PRR16: variants seen among roughly 807,000 people sequenced by gnomAD.
PRR16 encodes the protein proline rich 16.
In PRR16, 6 loss-of-function variants were observed where a neutral mutation model predicts 18.2. The observed-to-expected ratio is 0.33, with a 90% CI of 0.18 to 0.65. The LOEUF (loss-of-function observed/expected upper bound fraction) is 0.65. Ranked by LOEUF, PRR16 falls within the 30% of genes least tolerant of loss-of-function variation. The pLI is 0.74. For synonymous variants in PRR16, 151 were observed against 147.8 expected, an observed-to-expected ratio of 1.02 and a Z score of -0.16; for missense variants, 412 against 376.6, an observed-to-expected ratio of 1.09 and a Z score of -0.78.
intron 1 of PRR16, among the ~76,000 whole-genome samples, chr5:120,484,839 T>G (rs976821037): frequency 2.0e-5 from 3 of 151,188 alleles, no homozygotes; most frequent in Admixed American, 6.6e-5. Flanking sequence ...ATGGAATAAT[T>G]AGGAAGTTGG....
chr5:120,780,024 C>G, the PRR16 span, among the ~76,000 whole-genome samples: 1 of 152,244 alleles, frequency 6.6e-6, no homozygotes, highest in Middle Eastern at 3.4e-3. Context: ...TACCTATGCT[C>G]TCATTTACTT....
intron 1 of PRR16, among the ~76,000 whole-genome samples, chr5:120,562,571 G>A (rs1752610491): frequency 6.6e-6 from 1 of 151,528 alleles, no homozygotes; most frequent in East Asian, 1.9e-4. Flanking sequence ...CTTCCTTCCT[G>A]ACTTCCCTTT....
At chr5:120,509,363 T>C (rs1253481754) in intron 1 of PRR16, among the ~76,000 whole-genome samples, 1 of 152,096 alleles carries the variant, frequency 6.6e-6, no homozygotes, top group South Asian at 2.1e-4. Flanking sequence ...AATAAAAGGA[T>C]TGACTGAGGC....
chr5:120,621,904 A>G (rs570651462), intron 1 of PRR16, among the ~76,000 whole-genome samples: 22 of 152,294 alleles, frequency 1.4e-4, no homozygotes, highest in Admixed American at 1.4e-3. Context: ...ACAGACTAAT[A>G]CAACATCTTT....
intron 1 of PRR16, among the ~76,000 whole-genome samples, chr5:120,478,361 C>T (rs1749508061): frequency 6.6e-6 from 1 of 152,158 alleles, no homozygotes; most frequent in Non-Finnish European, 1.5e-5. Context: ...CTTGTTTCTC[C>T]TACTTTGATT....
At chr5:120,515,149 A>C (rs1167700726) in intron 1 of PRR16, among the ~76,000 whole-genome samples, 1 of 152,204 alleles carries the variant, frequency 6.6e-6, no homozygotes, top group Non-Finnish European at 1.5e-5. Flanking sequence ...ATAATATCCC[A>C]GAGGCATTAA....
At chr5:120,699,081 A>G in the PRR16 span, among the ~76,000 whole-genome samples, 3 of 152,160 alleles carry the variant, frequency 2.0e-5, no homozygotes, top group East Asian at 1.9e-4. Context: ...CTGACTCGGG[A>G]CATGTTGAGT....
intron 1 of PRR16, among the ~76,000 whole-genome samples, chr5:120,615,710 T>G (rs79291893): frequency 0.059 from 8,958 of 152,220 alleles, 340 homozygotes; most frequent in South Asian, 0.086. Context: ...ATTATTATTT[T>G]TAATTAGTAT....
chr5:120,624,282 AAAGT>A (rs1754789096), intron 1 of PRR16, among the ~76,000 whole-genome samples: 1 of 152,190 alleles, frequency 6.6e-6, no homozygotes, highest in Admixed American at 6.5e-5. Flanking sequence ...GATGAAACCG[AAAGT>A]AAGATATAAT....
chr5:120,716,968 T>C, the PRR16 span, among the ~76,000 whole-genome samples: 1 of 152,082 alleles, frequency 6.6e-6, no homozygotes, highest in Admixed American at 6.6e-5. Context: ...TCCTTAGCAT[T>C]TAGTCTATAC....
In PRR16 at chr5:120,522,232, T is replaced by G. The variant is rs1580681509; in HGVS notation, c.159+57587T>G. ...AAATGGTATTTCTAGTTCTAGATCC[T>G]TGAGGAATCACCACACTGTCTTCCA... On this transcript the variant is annotated intron_variant, in intron 1 of 1. Coordinates refer to ENST00000407149, the MANE Select transcript of PRR16 (RefSeq NM_001300783.2). Among the ~76,000 whole-genome samples, 3 of 152,320 alleles carry G rather than the reference T, an allele frequency of 2.0e-5. No homozygotes were observed. The South Asian group carries it at 6.2e-4, about 32-fold the overall frequency.
At chr5:120,765,551 T>TAATACA in the PRR16 span, among the ~76,000 whole-genome samples, 4 of 152,182 alleles carry the variant, frequency 2.6e-5, no homozygotes, top group South Asian at 6.2e-4. Context: ...AAGTATTCTT[T>TAATACA]AATACAAAAA....
the PRR16 span, among the ~76,000 whole-genome samples, chr5:120,784,293 T>C: frequency 1.3e-5 from 2 of 152,172 alleles, no homozygotes; most frequent in Non-Finnish European, 2.9e-5. Flanking sequence ...ATACTATTTT[T>C]CATAATGGCT....
the PRR16 span, among the ~76,000 whole-genome samples, chr5:120,773,609 CTTAACTAAAAATTA>C: frequency 7.2e-5 from 11 of 152,014 alleles, no homozygotes; most frequent in African/African-American, 2.4e-4. Flanking sequence ...TGGTCAACTA[CTTAACTAAAAATTA>C]GGTGTTCTAT....
intron 1 of PRR16, among the ~76,000 whole-genome samples, chr5:120,473,029 G>A (rs1328043591): frequency 6.6e-6 from 1 of 152,054 alleles, no homozygotes; most frequent in Non-Finnish European, 1.5e-5. Flanking sequence ...AATTATGAAA[G>A]ACATATTGAA....
chr5:120,572,178 T>G (rs1011147125), intron 1 of PRR16, among the ~76,000 whole-genome samples: 22 of 152,142 alleles, frequency 1.4e-4, no homozygotes, highest in African/African-American at 5.1e-4. Context: ...TCTCTCATAT[T>G]GTATTGGTCA....
At chr5:120,723,072 T>C in the PRR16 span, among the ~76,000 whole-genome samples, 1 of 151,902 alleles carries the variant, frequency 6.6e-6, no homozygotes, top group African/African-American at 2.4e-5. Flanking sequence ...TTTAATAATC[T>C]ATATAAATCA....
At chr5:120,612,266 GGAC>G (rs1306202104) in intron 1 of PRR16, among the ~76,000 whole-genome samples, 4 of 152,166 alleles carry the variant, frequency 2.6e-5, no homozygotes, top group African/African-American at 9.7e-5. Flanking sequence ...TTGGAACTGT[GGAC>G]TTTTGGGTTA....
the PRR16 span, among the ~76,000 whole-genome samples, chr5:120,728,838 G>A: frequency 1.3e-5 from 2 of 152,224 alleles, no homozygotes; most frequent in East Asian, 1.9e-4. Context: ...TTTGAAGCCT[G>A]CATCTATTAT....
Sources: gnomAD v4.1 joint callset for allele counts (sites outside exome capture counted in the v4.1 genomes callset) on GRCh38, gnomAD v4.1.1 for gene constraint, MANE v1.5 for transcripts, NCBI Gene and HGNC (gene_info 2026-07-23, HGNC 2026-07-21) for gene names.